PLCXD3: variants seen among roughly 807,000 people sequenced by gnomAD.
PLCXD3 encodes phosphatidylinositol specific phospholipase C X domain containing 3, also known as PI-PLC X domain-containing protein 3.
Under a neutral mutation model 25.5 loss-of-function variants are expected in PLCXD3, and 19 were observed. The observed-to-expected ratio is 0.75, with a 90% CI of 0.52 to 1.09. The LOEUF is 1.09. PLCXD3 is among the 50% of genes least tolerant of loss of function. The probability of loss-of-function intolerance (pLI) is 0.00; values close to 1 mark genes in which losing one functional copy is unlikely to be tolerated. For missense variants in PLCXD3, 411 were observed against 388.1 expected, an observed-to-expected ratio of 1.06 and a Z score of -0.50; for synonymous variants, 174 against 137.6, an observed-to-expected ratio of 1.26 and a Z score of -1.85.
intron 2 of PLCXD3, among the ~76,000 whole-genome samples, chr5:41,328,912 CT>C (rs566133500): frequency 1.6e-3 from 250 of 152,262 alleles, no homozygotes; most frequent in African/African-American, 5.7e-3. Context: ...TGTCAATCTC[CT>C]GCTTAGAATG....
chr5:41,371,584 C>T (rs767733903), intron 2 of PLCXD3, among the ~76,000 whole-genome samples: 5 of 152,176 alleles, frequency 3.3e-5, no homozygotes, highest in Admixed American at 1.3e-4. Context: ...CAACCTAAGC[C>T]CAATCTTGTA....
intron 1 of PLCXD3, among the ~76,000 whole-genome samples, chr5:41,470,672 A>T (rs1290257344): frequency 2.0e-5 from 3 of 152,212 alleles, no homozygotes; most frequent in Non-Finnish European, 4.4e-5. Flanking sequence ...TCCTAGTAAA[A>T]ATGTCTACTC....
intron 1 of PLCXD3, among the ~76,000 whole-genome samples, chr5:41,401,870 T>G (rs1034236922): frequency 1.3e-5 from 2 of 152,054 alleles, no homozygotes; most frequent in African/African-American, 4.8e-5. Context: ...CTTTCTGAGC[T>G]GTAGAGTTTA....
intron 1 of PLCXD3, among the ~76,000 whole-genome samples, chr5:41,413,579 A>G (rs1746615547): frequency 6.6e-6 from 1 of 152,234 alleles, no homozygotes; most frequent in South Asian, 2.1e-4. Flanking sequence ...AGAGACTGTT[A>G]TTCCACTTTT....
rs1235800335 is a variant in PLCXD3 at position 41,510,600 on chromosome 5, A to G, written c.-74T>C. The G allele has an allele frequency of 1.7e-6, 2 of 1,168,752 alleles. No individual in the cohort carries two copies. Among genetic ancestry groups the G allele is most frequent in the Non-Finnish European group, 1.3e-6 (1 of 797,148 alleles). 72.4% of individuals were successfully genotyped at this position (1,168,752 alleles called of 1,614,324 possible). On this transcript the variant is annotated 5_prime_UTR_variant, in exon 1 of 3. Coordinates refer to ENST00000377801, the MANE Select transcript of PLCXD3 (RefSeq NM_001005473.3). The stretch of plus-strand genomic sequence containing the variant: ...CTGGCAGGCTGCTGCCGCTAATCCA[A>G]TGTTTGCTCTAGCCCCGCTAGAGTT...
chr5:41,387,693 C>T (rs1745680952), intron 1 of PLCXD3, among the ~76,000 whole-genome samples: 1 of 152,046 alleles, frequency 6.6e-6, no homozygotes, highest in African/African-American at 2.4e-5. Context: ...AAATGGTCTA[C>T]CAACCTGATG....
intron 2 of PLCXD3, among the ~76,000 whole-genome samples, chr5:41,363,300 G>A (rs1375287463): frequency 6.6e-6 from 1 of 152,098 alleles, no homozygotes; most frequent in Non-Finnish European, 1.5e-5. Flanking sequence ...TCATTTTAAA[G>A]TACAGTCACT....
Position 41,366,700 on chromosome 5 carries a change from G to C in PLCXD3, c.812+15126C>G, listed in dbSNP as rs141549654. On this transcript the variant is annotated intron_variant, in intron 2 of 2. Coordinates refer to ENST00000377801, the MANE Select transcript of PLCXD3 (RefSeq NM_001005473.3). Reference sequence around the variant, plus strand: ...CAGGGCTCCATGTGGAGGATGTGCAGATTTGTTACATAGGTAAATGTGTGC... The same window carrying C: ...CAGGGCTCCATGTGGAGGATGTGCACATTTGTTACATAGGTAAATGTGTGC... Among the ~76,000 whole-genome samples the C allele has an allele frequency of 5.7e-3, 863 of 152,330 alleles. 9 individuals are homozygous for C. The highest frequency in any genetic ancestry group is 0.019 in the African/African-American group (802 of 41,582).
At chr5:41,374,364 T>G (rs549383545) in intron 2 of PLCXD3, among the ~76,000 whole-genome samples, 1 of 152,248 alleles carries the variant, frequency 6.6e-6, no homozygotes, top group South Asian at 2.1e-4. Context: ...TTCTGGAGCT[T>G]CCTTTTGATT....
At chr5:41,326,422 A>G (rs1021854935) in intron 2 of PLCXD3, among the ~76,000 whole-genome samples, 1 of 152,164 alleles carries the variant, frequency 6.6e-6, no homozygotes, top group Non-Finnish European at 1.5e-5. Context: ...CACCTGCAAG[A>G]TATACCCAAC....
intron 1 of PLCXD3, among the ~76,000 whole-genome samples, chr5:41,459,800 G>T (rs1747834265): frequency 6.6e-6 from 1 of 151,804 alleles, no homozygotes; most frequent in South Asian, 2.1e-4. Context: ...ATCACTTCTT[G>T]CAAACTTTCT....
intron 1 of PLCXD3, among the ~76,000 whole-genome samples, chr5:41,434,051 A>G (rs1251623782): frequency 1.3e-5 from 2 of 152,184 alleles, no homozygotes; most frequent in East Asian, 3.9e-4. Flanking sequence ...GGAGCCATTC[A>G]CTTCTAACCC....
At chr5:41,439,177 A>G (rs190089929) in intron 1 of PLCXD3, among the ~76,000 whole-genome samples, 10 of 152,150 alleles carry the variant, frequency 6.6e-5, no homozygotes, top group Non-Finnish European at 1.2e-4. Flanking sequence ...AATTTCCTGC[A>G]TGGGTCATGA....
intron 1 of PLCXD3, among the ~76,000 whole-genome samples, chr5:41,469,548 T>C (rs574799574): frequency 4.6e-5 from 7 of 152,050 alleles, no homozygotes; most frequent in Non-Finnish European, 1.0e-4. Context: ...TATTGGTCTG[T>C]TCAGATTTTC....
rs1331510247 is a variant in PLCXD3 at position 41,310,008 on chromosome 5, G to A, written c.*3609C>T. On this transcript the variant is annotated 3_prime_UTR_variant, in exon 3 of 3. Coordinates refer to ENST00000377801, the MANE Select transcript of PLCXD3 (RefSeq NM_001005473.3). ...TATATGTGTGTGAAATGTGCATTCT[G>A]TGTGTGTGTGTAATGTGTGTATGTG... is the stretch of plus-strand genomic sequence containing the variant. The A allele has an allele frequency of 1.3e-5, 2 of 151,768 alleles. No individual in the cohort carries two copies. Among genetic ancestry groups the A allele is most frequent in the Non-Finnish European group, 2.9e-5 (2 of 67,870 alleles). 9.4% of individuals were successfully genotyped at this position (151,768 alleles called of 1,614,324 possible). A position where few individuals can be genotyped will look rare whatever the true frequency, so the allele number is the denominator to read the frequency against.
At chr5:41,455,625 A>G (rs939278961) in intron 1 of PLCXD3, among the ~76,000 whole-genome samples, 1 of 151,990 alleles carries the variant, frequency 6.6e-6, no homozygotes, top group Non-Finnish European at 1.5e-5. Context: ...TGTAAGCCAT[A>G]TAAAGTGAAG....
At chr5:41,386,360 T>C (rs1745635165) in intron 1 of PLCXD3, among the ~76,000 whole-genome samples, 2 of 152,112 alleles carry the variant, frequency 1.3e-5, no homozygotes, top group African/African-American at 4.8e-5. Flanking sequence ...ATCAATTTTA[T>C]TACCTTATCT....
At chr5:41,408,661 T>C (rs555240787) in intron 1 of PLCXD3, among the ~76,000 whole-genome samples, 3 of 152,230 alleles carry the variant, frequency 2.0e-5, no homozygotes, top group African/African-American at 7.2e-5. Context: ...TTAATACTCA[T>C]AAGAAGAACT....
At chr5:41,410,163 G>A (rs1396185182) in intron 1 of PLCXD3, among the ~76,000 whole-genome samples, 2 of 119,642 alleles carry the variant, frequency 1.7e-5, no homozygotes, top group Non-Finnish European at 3.9e-5. Context: ...TTTTTGAGAC[G>A]GAGTCTCACT....
Sources: gnomAD v4.1 joint callset for allele counts (sites outside exome capture counted in the v4.1 genomes callset) on GRCh38, gnomAD v4.1.1 for gene constraint, MANE v1.5 for transcripts, NCBI Gene and HGNC (gene_info 2026-07-23, HGNC 2026-07-21) for gene names.